SRMS: variants seen among roughly 807,000 people sequenced by gnomAD.
SRMS encodes src-related kinase lacking C-terminal regulatory tyrosine and N-terminal myristylation sites.
Under a neutral mutation model 43.5 loss-of-function variants are expected in SRMS, and 42 were observed. That is an observed-to-expected ratio of 0.97 (90% CI 0.75 to 1.25). The LOEUF (loss-of-function observed/expected upper bound fraction) is 1.25, where lower values mean the gene tolerates loss of function less well. SRMS is among the 50% of genes most tolerant of loss of function. The pLI is 0.00. For synonymous variants in SRMS, 316 were observed against 308.2 expected, an observed-to-expected ratio of 1.03 and a Z score of -0.27; for missense variants, 703 against 681.0, an observed-to-expected ratio of 1.03 and a Z score of -0.36.
rs1181131685 is a variant in SRMS, at chr20:63,547,442, GC to G, written c.21del (p.Arg7SerfsTer64). ...CAGAAGAAGGACAGGAAGGCCAGCC[GC>G]CTCCTGAGGAACGGCTCCATCCCCC... The part of the protein sequence containing the change: MEPFLR[R>X]RLAFLSFFWD... On this transcript the variant is annotated frameshift_variant, in exon 1 of 8. Transcript: ENST00000217188. LOFTEE classifies it high-confidence loss of function. 3 of 1,522,706 alleles carry G rather than the reference GC, an allele frequency of 2.0e-6. No homozygotes were observed. Among genetic ancestry groups the G allele is most frequent in the Non-Finnish European group, 2.6e-6 (3 of 1,132,622 alleles). 94.3% of individuals were successfully genotyped at this position (1,522,706 alleles called of 1,614,324 possible). A position where few individuals can be genotyped will look rare whatever the true frequency, so the allele number is the denominator to read the frequency against.
intron 2 of SRMS, 116 bp downstream of exon 2, chr20:63,544,111 C>A: frequency 8.0e-7 from 1 of 1,246,720 alleles, no homozygotes; most frequent in Non-Finnish European, 1.0e-6. Flanking sequence ...TGCTGTTGGG[C>A]CCTCAGTGGC....
intron 1 of SRMS, among the ~76,000 whole-genome samples, chr20:63,545,135 T>C (rs2082724520): frequency 6.6e-6 from 1 of 151,870 alleles, no homozygotes; most frequent in Non-Finnish European, 1.5e-5. Context: ...ACACCGGGTG[T>C]CGGGAGAGGG....
At chr20:63,544,479 C>T in intron 1 of SRMS, 131 bp from the exon 2 acceptor site, 1 of 1,197,760 alleles carries the variant, frequency 8.3e-7, no homozygotes, top group Non-Finnish European at 1.1e-6. Flanking sequence ...ACCCCGTGGA[C>T]TTTGAGTCCC....
chr20:63,544,314 G>A lies in SRMS; in HGVS notation c.391C>T (p.Gln131Ter), dbSNP rs775972835. 7 of 1,484,942 alleles carry A rather than the reference G, an allele frequency of 4.7e-6. No individual in the cohort carries two copies. In the South Asian group the frequency reaches 5.3e-5, roughly 11 times the overall value. The allele number at this position is 1,484,942 out of a possible 1,614,324, so 92.0% of individuals were successfully genotyped here. ...TTGGGTGGGGAGAGGAGCAGCTGCT[G>A]TGCCTGGGTCCGACTGACCCCGCTA... ...YFSGVSRTQA[Q>*]QLLLSPPNEP... is the part of the protein sequence containing the mutation. Residue 131 changes from glutamine (Q) to a stop codon, truncating the protein, a stop_gained, in exon 2 of 8, where the codon CAG becomes TAG. Transcript: ENST00000217188. LOFTEE classifies it high-confidence loss of function.
chr20:63,545,897 C>CA, intron 1 of SRMS, among the ~76,000 whole-genome samples: 1 of 152,220 alleles, frequency 6.6e-6, no homozygotes, highest in Non-Finnish European at 1.5e-5. Flanking sequence ...CCCAAAACAT[C>CA]GCCAGCCTCC....
At position 63,539,025 on chromosome 20, in the gene SRMS, C is replaced by T. The variant is rs1004738383; in HGVS notation, c.*1793G>A. ...TGGCGGCTGCAGAGAGCACAGAGGG[C>T]GAGGCCTTCTGTGCCAGAGGAGCCC... On this transcript the variant is annotated 3_prime_UTR_variant, in exon 8 of 8. Transcript: ENST00000217188. 6.6e-6 allele frequency among the ~76,000 whole-genome samples: 1 copy of T among 152,106 alleles called. No homozygotes were observed. The highest frequency in any genetic ancestry group is 2.1e-4 in the South Asian group (1 of 4,824).
At position 63,544,227 on chromosome 20, in the gene SRMS, C is replaced by G. The variant is rs1226151377; in HGVS notation, c.478G>C (p.Val160Leu). The G allele has an allele frequency of 3.4e-6, 5 of 1,454,330 alleles. No homozygotes were observed. The Admixed American group carries it at 1.4e-4, about 41-fold the overall frequency. The allele number at this position is 1,454,330 out of a possible 1,614,324, so 90.1% of individuals were successfully genotyped here. Residue 160 changes from valine (V) to leucine (L), a missense_variant and splice_region_variant, in exon 2 of 8, where the codon GTC becomes CTC. Transcript: ENST00000217188. Reference protein sequence around the residue: ...ESSLGGYSLSVRAQAKVCHYR... With the variant: ...ESSLGGYSLSLRAQAKVCHYR... Reference sequence around the variant, plus strand: ...AGGCAGGAGGGGCCGCCCCAGGTACCTGACAGTGAGTAGCCCCCGAGGCTG... The same window carrying G: ...AGGCAGGAGGGGCCGCCCCAGGTACGTGACAGTGAGTAGCCCCCGAGGCTG...
chr20:63,545,352 G>A (rs957457285), intron 1 of SRMS, among the ~76,000 whole-genome samples: 1 of 152,192 alleles, frequency 6.6e-6, no homozygotes, highest in African/African-American at 2.4e-5. Flanking sequence ...AGCTTCCTGG[G>A]ACCCGGAGAG....
rs368452146 is a variant in SRMS at position 63,544,258 on chromosome 20, G to A, written c.447C>T (p.Ser149=). Residue 149 remains serine, a synonymous_variant, in exon 2 of 8, where the codon AGC becomes AGT. Transcript: ENST00000217188. Reference sequence around the variant, plus strand: ...GTGAGTAGCCCCCGAGGCTGCTCTCGCTGGGCCGGATGAGGAAGGCCCCTG... The same window carrying A: ...GTGAGTAGCCCCCGAGGCTGCTCTCACTGGGCCGGATGAGGAAGGCCCCTG... ...NEPGAFLIRP[S]ESSLGGYSLS... 4.1e-5 allele frequency: 60 copies of A among 1,472,870 alleles called. No homozygotes were observed. Among genetic ancestry groups the A allele is most frequent in the East Asian group, 5.8e-5 (2 of 34,750 alleles). The allele number at this position is 1,472,870 out of a possible 1,614,324, so 91.2% of individuals were successfully genotyped here.
intron 5 of SRMS, 54 bp downstream of exon 5, chr20:63,542,109 G>A (rs1211976778): frequency 6.4e-7 from 1 of 1,570,974 alleles, no homozygotes; most frequent in South Asian, 1.2e-5. Context: ...CGCCAGGAGG[G>A]AAGGGGCGGT....
At chr20:63,541,672 G>C (rs1022924117) in intron 5 of SRMS, 52 bp from the exon 6 acceptor site, 1 of 1,452,660 alleles carries the variant, frequency 6.9e-7, no homozygotes, top group Non-Finnish European at 9.1e-7. Flanking sequence ...CGGCCGGTGA[G>C]GCCAGCGTCC....
rs1569019758 is a variant in SRMS, at chr20:63,547,652, G to A, written c.-189C>T. On this transcript the variant is annotated 5_prime_UTR_variant, in exon 1 of 8. Transcript: ENST00000217188. ...AGGCACACGGTTCCCACCGGCGTCC[G>A]GGCTGGCGTTGGGGCTGGGTGGGGC... The A allele has an allele frequency of 5.3e-6, 3 of 569,334 alleles. No homozygotes were observed. Among genetic ancestry groups the A allele is most frequent in the East Asian group, 3.4e-5 (1 of 29,210 alleles). The allele number at this position is 569,334 out of a possible 1,614,324, so 35.3% of individuals were successfully genotyped here. A position where few individuals can be genotyped will look rare whatever the true frequency, so the allele number is the denominator to read the frequency against.
rs4809309 is a variant in SRMS, at chr20:63,543,371, G to A, written c.588C>T (p.Tyr196=). 0.25 allele frequency: 409,549 copies of A among 1,612,680 alleles called. 70,322 individuals carry two copies. The highest frequency in any genetic ancestry group is 0.97 in the East Asian group (43,420 of 44,876). Residue 196 remains tyrosine (Y), a synonymous_variant, in exon 3 of 8, where the codon TAC becomes TAT. Coordinates refer to ENST00000217188, the MANE Select transcript of SRMS (RefSeq NM_080823.4). ...GGATCAGCTTCCAGTTGGCCTTGTA[G>A]TAGGTGAGCAGCTCCTCCAGGCCGG... ...LFPGLEELLT[Y]YKANWKLIQN...
In SRMS at chr20:63,540,801, T is replaced by C. The variant is rs1441838180; in HGVS notation, c.*17A>G. On this transcript the variant is annotated 3_prime_UTR_variant, in exon 8 of 8. Coordinates refer to ENST00000217188, the MANE Select transcript of SRMS (RefSeq NM_080823.4). ...GCTGGCCTGGCTGGAGCCCAGAGCG[T>C]TGGGTCACGTGAGGACTCAGGGGTG... 1 of 1,579,242 alleles carries C rather than the reference T, an allele frequency of 6.3e-7. No individual in the cohort carries two copies.
intron 2 of SRMS, 126 bp from the exon 3 acceptor site, chr20:63,543,606 T>C (rs2082716065): frequency 1.7e-6 from 2 of 1,169,484 alleles, no homozygotes; most frequent in African/African-American, 1.5e-5. Flanking sequence ...GACCCTGAGA[T>C]GGTCAGAGCT....
chr20:63,539,840 C>T lies in SRMS; in HGVS notation c.*978G>A, dbSNP rs2082692931. Among the ~76,000 whole-genome samples, 1 of 152,220 alleles carries T rather than the reference C, an allele frequency of 6.6e-6. No homozygotes were observed. Among genetic ancestry groups the T allele is most frequent in the Non-Finnish European group, 1.5e-5 (1 of 68,044 alleles). ...CAGGCAGAAGACTCCAAATCCCCCA[C>T]GGCCCACCCTGAGGCCCCTGGAAAT... is the stretch of plus-strand genomic sequence containing the variant. On this transcript the variant is annotated 3_prime_UTR_variant, in exon 8 of 8. Coordinates refer to ENST00000217188, the MANE Select transcript of SRMS (RefSeq NM_080823.4).
At chr20:63,543,510 G>T in intron 2 of SRMS, 30 bp from the exon 3 acceptor site, 1 of 1,605,748 alleles carries the variant, frequency 6.2e-7, no homozygotes, top group Non-Finnish European at 8.5e-7. Context: ...GGAGACCCCT[G>T]CCTTGGCTGC....
Position 63,542,252 on chromosome 20 carries a change from A to C in SRMS, c.857T>G (p.Ile286Ser), listed in dbSNP as rs768297358. The change falls in exon 5 of 8, where the codon ATC becomes AGC. Residue 286 changes from isoleucine (I) to serine (S), a missense_variant. Physicochemically the swap from Ile to Ser is moderately radical, Grantham distance 142. Coordinates refer to ENST00000217188, the MANE Select transcript of SRMS (RefSeq NM_080823.4). ...TLKGLRHERL[I>S]RLHAVCSGGE... ...GCCCGAGCACACTGCGTGCAGCCGG[A>C]TGAGCCGCTCGTGCCGCAGGCCCTT... 6.2e-7 allele frequency: 1 copy of C among 1,612,730 alleles called. No homozygotes were observed. Among genetic ancestry groups the C allele is most frequent in the South Asian group, 1.1e-5 (1 of 91,082 alleles).
At position 63,540,995 on chromosome 20, in the gene SRMS, C is replaced by A; in HGVS notation, c.1290G>T (p.Met430Ile). 6.2e-7 allele frequency: 1 copy of A among 1,608,940 alleles called. No individual in the cohort carries two copies. The highest frequency in any genetic ancestry group is 1.1e-5 in the South Asian group (1 of 90,966). ...TCTGCTGCAGCGTCTCGTGGTTGGT[C>A]ATCCCTGGGAGGCGCGGGGCAAGAG... ...FTYGQCPYEGMTNHETLQQIM... is the reference protein window; with the variant it reads ...FTYGQCPYEGITNHETLQQIM... The change falls in exon 8 of 8, where the codon ATG becomes ATT. Residue 430 changes from methionine to isoleucine, a missense_variant. Physicochemically the swap from Met to Ile is conservative, Grantham distance 10. Coordinates refer to ENST00000217188, the MANE Select transcript of SRMS (RefSeq NM_080823.4).
Sources: allele counts gnomAD v4.1 joint callset (sites outside exome capture counted in the v4.1 genomes callset), GRCh38; gene constraint gnomAD v4.1.1; transcripts MANE v1.5; gene names NCBI Gene and HGNC (gene_info 2026-07-23, HGNC 2026-07-21).